ANKRD6: variants seen among roughly 807,000 people sequenced by gnomAD.
The protein encoded by ANKRD6 is ankyrin repeat domain-containing protein 6.
ANKRD6 carries 56 observed loss-of-function variants against 82.3 expected under a neutral mutation model. The ratio of observed to expected loss-of-function variants is 0.68; its 90% CI spans 0.55 to 0.85. The LOEUF is 0.85. ANKRD6 is among the 40% of genes least tolerant of loss of function. ANKRD6 has a pLI of 0.00. For synonymous variants in ANKRD6, 347 were observed against 352.1 expected (o/e 0.99, Z 0.16); for missense variants, 852 against 907.6 (o/e 0.94, Z 0.79).
rs567983864 is a variant in ANKRD6, at chr6:89,551,279, T to C, written c.-143-15555T>C. 9.8e-5 allele frequency among the ~76,000 whole-genome samples: 15 copies of C among 152,338 alleles called. No homozygotes were observed. The South Asian group carries it at 2.5e-3, about 25-fold the overall frequency. ...CGCTGGTATGCTCACTGTCTTTTCA[T>C]GTCATTCTTCTTCCTTTGCGTCTCC... is the stretch of plus-strand genomic sequence containing the variant. On this transcript the variant is annotated intron_variant, in intron 1 of 15. Transcript: ENST00000339746.
At chr6:89,595,066 A>G (rs896394705) in intron 2 of ANKRD6, among the ~76,000 whole-genome samples, 6 of 152,156 alleles carry the variant, frequency 3.9e-5, no homozygotes, top group African/African-American at 7.2e-5. Flanking sequence ...ATTTTTTTTT[A>G]AAAAGAGGAA....
At chr6:89,498,031 G>A (rs1346959675) in intron 1 of ANKRD6, among the ~76,000 whole-genome samples, 3 of 152,072 alleles carry the variant, frequency 2.0e-5, no homozygotes, top group Admixed American at 6.6e-5. Flanking sequence ...GTTCATCCAC[G>A]AAGTATATGT....
chr6:89,622,773 G>A (rs1027296535), intron 10 of ANKRD6, among the ~76,000 whole-genome samples: 5 of 151,978 alleles, frequency 3.3e-5, no homozygotes, highest in South Asian at 4.1e-4. Context: ...GAGAAGTCTG[G>A]GATATAGAGA....
In ANKRD6 at chr6:89,613,746, T is replaced by G. The variant is rs768688417; in HGVS notation, c.517-46T>G. The G allele has an allele frequency of 7.7e-6, 12 of 1,559,736 alleles. 2 individuals are homozygous for G. In the Middle Eastern group the frequency reaches 1.7e-3, roughly 218 times the overall value. Reference sequence around the variant, plus strand: ...TTTCTTTCTACTTTTCTCTATTTGTTTTGTAACTGCTCAGATTGTGCTTAG... The same window carrying G: ...TTTCTTTCTACTTTTCTCTATTTGTGTTGTAACTGCTCAGATTGTGCTTAG... On this transcript the variant is annotated intron_variant, in intron 6 of 15. Coordinates refer to ENST00000339746, the MANE Select transcript of ANKRD6 (RefSeq NM_001242809.2).
chr6:89,629,341 A>G (rs772907617), intron 15 of ANKRD6, 103 bp downstream of exon 15: 1 of 1,522,334 alleles, frequency 6.6e-7, no homozygotes, highest in Non-Finnish European at 8.9e-7. Context: ...GCTGTGGGAA[A>G]CACTGGATGG....
chr6:89,575,295 G>T (rs997655362), intron 2 of ANKRD6, among the ~76,000 whole-genome samples: 1 of 152,162 alleles, frequency 6.6e-6, no homozygotes, highest in South Asian at 2.1e-4. Flanking sequence ...TCTATGACCT[G>T]CCTTGGGGGA....
At position 89,630,714 on chromosome 6, in the gene ANKRD6, C is replaced by T. The variant is rs771177046; in HGVS notation, c.1894C>T (p.Arg632Cys). The T allele has an allele frequency of 2.2e-5, 36 of 1,613,806 alleles. 1 individual carries two copies. The South Asian group carries it at 2.5e-4, about 11-fold the overall frequency. The change falls in exon 16 of 16, where the codon CGT (arginine) becomes TGT (cysteine). Residue 632 changes from arginine (R) to cysteine (C), a missense_variant. By Grantham distance (180) the Arg-to-Cys change is radical. Coordinates refer to ENST00000339746, the MANE Select transcript of ANKRD6 (RefSeq NM_001242809.2). ...TGGGAAGAGTGGGCCAACAAGGCATCGTGCCCAGCAACCCGCAGCCAGCAG... is the reference window on the plus strand; with the variant it reads ...TGGGAAGAGTGGGCCAACAAGGCATTGTGCCCAGCAACCCGCAGCCAGCAG... The part of the protein sequence containing the change: ...KSGKSGPTRH[R>C]AQQPAASSTC...
chr6:89,450,529 A>G (rs535796755), intron 1 of ANKRD6, among the ~76,000 whole-genome samples: 1 of 152,230 alleles, frequency 6.6e-6, no homozygotes, highest in South Asian at 2.1e-4. Context: ...CTTTATTTAT[A>G]TATTTTTCAG....
chr6:89,513,916 A>C (rs1332590012), intron 1 of ANKRD6, among the ~76,000 whole-genome samples: 1 of 152,256 alleles, frequency 6.6e-6, no homozygotes, highest in Non-Finnish European at 1.5e-5. Context: ...TAATGTGGGA[A>C]AATTTAATGT....
intron 1 of ANKRD6, among the ~76,000 whole-genome samples, chr6:89,530,350 C>T (rs1277439330): frequency 2.0e-5 from 3 of 151,082 alleles, no homozygotes; most frequent in South Asian, 2.1e-4. Flanking sequence ...GGTGCTGATA[C>T]GACTTGCTCA....
intron 2 of ANKRD6, among the ~76,000 whole-genome samples, chr6:89,586,694 A>G (rs1005305238): frequency 2.0e-5 from 3 of 152,010 alleles, no homozygotes; most frequent in African/African-American, 7.2e-5. Flanking sequence ...TGGGGGAGAA[A>G]AAAAGAAAAT....
At chr6:89,544,999 A>G (rs578232732) in intron 1 of ANKRD6, among the ~76,000 whole-genome samples, 127 of 151,528 alleles carry the variant, frequency 8.4e-4, no homozygotes, top group African/African-American at 2.9e-3. Context: ...AGATCACGAG[A>G]TCAGGAGATC....
chr6:89,604,739 G>A (rs1205495970), intron 4 of ANKRD6, among the ~76,000 whole-genome samples: 2 of 152,010 alleles, frequency 1.3e-5, no homozygotes, highest in Non-Finnish European at 2.9e-5. Flanking sequence ...CCACTGCCCG[G>A]GCCACACACC....
intron 2 of ANKRD6, among the ~76,000 whole-genome samples, chr6:89,576,380 G>A (rs1791116001): frequency 6.6e-6 from 1 of 152,266 alleles, no homozygotes; most frequent in Non-Finnish European, 1.5e-5. Flanking sequence ...TCGACCAGTT[G>A]TACTTCATCA....
intron 1 of ANKRD6, among the ~76,000 whole-genome samples, chr6:89,537,147 CA>C (rs1344273220): frequency 7.2e-5 from 11 of 152,150 alleles, no homozygotes; most frequent in Admixed American, 3.9e-4. Context: ...AGGAGAGAAT[CA>C]AGATAAGATG....
chr6:89,533,243 T>A (rs1384235920), intron 1 of ANKRD6, among the ~76,000 whole-genome samples: 1 of 152,186 alleles, frequency 6.6e-6, no homozygotes, highest in Non-Finnish European at 1.5e-5. Context: ...TACTAGGCTC[T>A]TGACATACGT....
intron 1 of ANKRD6, chr6:89,561,079 G>A (rs1361846802): frequency 1.3e-5 from 2 of 152,162 alleles, no homozygotes; most frequent in Admixed American, 6.5e-5. Context: ...CAAGCCTTCT[G>A]TCAGTCACAT....
chr6:89,492,040 G>A (rs1212947183), intron 1 of ANKRD6, among the ~76,000 whole-genome samples: 1 of 152,162 alleles, frequency 6.6e-6, no homozygotes, highest in African/African-American at 2.4e-5. Context: ...ATTTCCTTAT[G>A]AAGACTCCCA....
At chr6:89,466,282 A>G (rs1477509101) in intron 1 of ANKRD6, among the ~76,000 whole-genome samples, 1 of 152,168 alleles carries the variant, frequency 6.6e-6, no homozygotes, top group Non-Finnish European at 1.5e-5. Flanking sequence ...TTTATATGTA[A>G]TGCTTGAACA....
Sources: gnomAD v4.1 joint callset for allele counts (sites outside exome capture counted in the v4.1 genomes callset) on GRCh38, gnomAD v4.1.1 for gene constraint, MANE v1.5 for transcripts, NCBI Gene and HGNC (gene_info 2026-07-23, HGNC 2026-07-21) for gene names.